The following ATP13A4 variants were observed in gnomAD, a reference collection of about 807,000 sequenced individuals.
ATP13A4 encodes the protein probable cation-transporting ATPase 13A4.
In ATP13A4, 114 loss-of-function variants were observed where a neutral mutation model predicts 142.5. That is an observed-to-expected ratio of 0.80 (90% CI 0.69 to 0.93). The LOEUF (loss-of-function observed/expected upper bound fraction) is 0.93, where lower values mean the gene tolerates loss of function less well. Among genes scored for constraint, ATP13A4 ranks in the 40% least tolerant of loss-of-function variants. ATP13A4 has a pLI of 0.00. For synonymous variants in ATP13A4, 488 were observed against 514.8 expected, an observed-to-expected ratio of 0.95 and a Z score of 0.70; for missense variants, 1,392 against 1,454.0, an observed-to-expected ratio of 0.96 and a Z score of 0.69.
In ATP13A4 at chr3:193,412,249, G is replaced by A; in HGVS notation, c.3137C>T (p.Thr1046Ile). The A allele has an allele frequency of 6.2e-7, 1 of 1,613,490 alleles. No homozygotes were observed. The highest frequency in any genetic ancestry group is 2.2e-5 in the East Asian group (1 of 44,864). The change falls in exon 27 of 30, where the codon ACA becomes ATA. Residue 1046 changes from threonine to isoleucine, a missense_variant. Transcript: ENST00000342695. ...FENTTVWFLGTINCITVALVF... is the reference protein window; with the variant it reads ...FENTTVWFLGIINCITVALVF... Reference sequence around the variant, plus strand: ...AAGAGCCACAGTGATACAGTTGATTGTTCCCAAGAACCAGACTGTAGTGTT... The same window carrying A: ...AAGAGCCACAGTGATACAGTTGATTATTCCCAAGAACCAGACTGTAGTGTT...
intron 1 of ATP13A4, among the ~76,000 whole-genome samples, chr3:193,538,564 C>T (rs1722711395): frequency 6.6e-6 from 1 of 151,340 alleles, no homozygotes; most frequent in African/African-American, 2.4e-5. Flanking sequence ...CTATTGACTT[C>T]ACTGACAGCC....
chr3:193,580,983 AT>A (rs1167657858), intron 2 of ATP13A4, among the ~76,000 whole-genome samples: 1 of 152,214 alleles, frequency 6.6e-6, no homozygotes, highest in African/African-American at 2.4e-5. Context: ...TTTCTTATAC[AT>A]TTTACTATGA....
chr3:193,457,296 T>C, intron 15 of ATP13A4, 83 bp downstream of exon 15: 2 of 1,575,328 alleles, frequency 1.3e-6, no homozygotes, highest in Non-Finnish European at 1.7e-6. Flanking sequence ...CAAAGACACA[T>C]CTGTGACCTT....
intron 1 of ATP13A4, among the ~76,000 whole-genome samples, chr3:193,522,215 G>A (rs1721759809): frequency 6.6e-6 from 1 of 152,130 alleles, no homozygotes; most frequent in African/African-American, 2.4e-5. Context: ...ACTCCTCCTT[G>A]TCACACAGAT....
Position 193,489,793 on chromosome 3 carries a change from A to T in ATP13A4, c.675T>A (p.Tyr225Ter). The change falls in exon 7 of 30, where the codon TAT becomes TAA. Residue 225 changes from tyrosine (Y) to a stop codon, truncating the protein, a stop_gained. Coordinates refer to ENST00000342695, the MANE Select transcript of ATP13A4 (RefSeq NM_032279.4). LOFTEE classifies it high-confidence loss of function. ...TGGACATGATTATGATGGCAAAAGC[A>T]TATTCCTTATAGTCTTCACTAAACC... ...CLWFSEDYKE[Y>*]AFAIIIMSII... 1.9e-6 allele frequency: 3 copies of T among 1,610,328 alleles called. No homozygotes were observed. In the South Asian group the frequency reaches 3.3e-5, roughly 18 times the overall value.
chr3:193,522,391 T>G (rs570431371), intron 1 of ATP13A4, among the ~76,000 whole-genome samples: 1 of 152,296 alleles, frequency 6.6e-6, no homozygotes, highest in Non-Finnish European at 1.5e-5. Context: ...AAATATCTAT[T>G]TTGTCATCTG....
chr3:193,422,140 T>C (rs1443786126), intron 25 of ATP13A4, among the ~76,000 whole-genome samples: 3 of 149,946 alleles, frequency 2.0e-5, no homozygotes, highest in East Asian at 2.1e-4. Context: ...GAGAGCAAGA[T>C]TGGCTATATT....
At chr3:193,523,265 TTGTACTCCAGGC>T (rs111506922) in intron 1 of ATP13A4, among the ~76,000 whole-genome samples, 4 of 151,760 alleles carry the variant, frequency 2.6e-5, no homozygotes, top group African/African-American at 9.7e-5. Flanking sequence ...GATTGTGCCA[TTGTACTCCAGGC>T]TGGGCAACAA....
intron 1 of ATP13A4, among the ~76,000 whole-genome samples, chr3:193,547,897 C>T (rs1170170907): frequency 4.6e-5 from 7 of 152,172 alleles, no homozygotes; most frequent in South Asian, 2.1e-4. Context: ...GTACTCAGCA[C>T]GGCCACTCGA....
Position 193,492,930 on chromosome 3 carries a change from C to T in ATP13A4, c.520G>A (p.Glu174Lys), listed in dbSNP as rs1325846174. ...TATGCATGGTACCTAATCTCCTGTT[C>T]TTCTCTTGTCAAGCCTGATCCAAAT... ...QKFGSGLTRE[E>K]QEIRRLICGP... The change falls in exon 5 of 30, where the codon GAA becomes AAA. Residue 174 changes from glutamate to lysine, a missense_variant. Physicochemically the swap from Glu to Lys is moderately conservative, Grantham distance 56 (BLOSUM62 1). Coordinates refer to ENST00000342695, the MANE Select transcript of ATP13A4 (RefSeq NM_032279.4). The T allele has an allele frequency of 6.2e-7, 1 of 1,607,768 alleles. No homozygotes were observed. Among genetic ancestry groups the T allele is most frequent in the Admixed American group, 1.7e-5 (1 of 59,962 alleles).
At chr3:193,450,187 C>A (rs1434606443) in intron 17 of ATP13A4, among the ~76,000 whole-genome samples, 3 of 151,774 alleles carry the variant, frequency 2.0e-5, no homozygotes, top group Non-Finnish European at 4.4e-5. Context: ...TTCACTGTAA[C>A]TCACATTTTA....
chr3:193,483,127 C>T (rs1289967536), intron 8 of ATP13A4, among the ~76,000 whole-genome samples: 4 of 152,020 alleles, frequency 2.6e-5, no homozygotes, highest in African/African-American at 9.7e-5. Flanking sequence ...TTGATCCCCC[C>T]CAAAATTAAC....
chr3:193,474,763 G>C (rs1398867306), intron 8 of ATP13A4, among the ~76,000 whole-genome samples: 4 of 149,728 alleles, frequency 2.7e-5, no homozygotes, highest in Admixed American at 6.6e-5. Flanking sequence ...AAGAAAGAAA[G>C]AGAAAGAAAG....
intron 1 of ATP13A4, among the ~76,000 whole-genome samples, chr3:193,535,537 C>T (rs1722548379): frequency 6.6e-6 from 1 of 152,064 alleles, no homozygotes; most frequent in African/African-American, 2.4e-5. Flanking sequence ...ACACTCAAAG[C>T]AGTGCTGAAA....
At chr3:193,424,769 A>T (rs1325444242) in intron 25 of ATP13A4, among the ~76,000 whole-genome samples, 3 of 149,732 alleles carry the variant, frequency 2.0e-5, no homozygotes, top group Non-Finnish European at 3.0e-5. Flanking sequence ...TTGGGCAATA[A>T]TTTTTTTGCT....
At chr3:193,422,366 A>G (rs1290573446) in intron 25 of ATP13A4, among the ~76,000 whole-genome samples, 1 of 150,078 alleles carries the variant, frequency 6.7e-6, no homozygotes, top group African/African-American at 2.4e-5. Context: ...ACTGTACATT[A>G]GACAAAATAG....
Position 193,462,846 on chromosome 3 carries a change from T to C in ATP13A4, c.1462-23A>G. ...TGTCTAAACAGAAACAAATGCTCCA[T>C]TTACTCTGAAGATCCAGGCAAGGAG... On this transcript the variant is annotated intron_variant, in intron 12 of 29. Coordinates refer to ENST00000342695, the MANE Select transcript of ATP13A4 (RefSeq NM_032279.4). 2.5e-6 allele frequency: 4 copies of C among 1,612,112 alleles called. No homozygotes were observed. In the East Asian group the frequency reaches 8.9e-5, roughly 36 times the overall value.
At chr3:193,475,369 C>T (rs192829813) in intron 8 of ATP13A4, among the ~76,000 whole-genome samples, 34 of 151,978 alleles carry the variant, frequency 2.2e-4, no homozygotes, top group Admixed American at 8.5e-4. Context: ...AACATAGTTA[C>T]GTATGTAAAA....
chr3:193,566,422 T>C (rs1170246768), intron 2 of ATP13A4, among the ~76,000 whole-genome samples: 2 of 152,158 alleles, frequency 1.3e-5, no homozygotes, highest in Non-Finnish European at 2.9e-5. Flanking sequence ...CAGTGACCTA[T>C]TGGCCCTATA....
Sources: gnomAD v4.1 joint callset for allele counts (sites outside exome capture counted in the v4.1 genomes callset) on GRCh38, gnomAD v4.1.1 for gene constraint, MANE v1.5 for transcripts, NCBI Gene and HGNC (gene_info 2026-07-23, HGNC 2026-07-21) for gene names.